Variants in DCC observed in about 807,000 individuals in gnomAD.
The protein encoded by DCC is DCC netrin 1 receptor.
A neutral mutation model predicts 172.5 loss-of-function variants in DCC; 58 were observed. The ratio of observed to expected loss-of-function variants is 0.34; its 90% CI spans 0.27 to 0.42. The LOEUF (loss-of-function observed/expected upper bound fraction) is 0.42, where lower values mean the gene tolerates loss of function less well. Among genes scored for constraint, DCC ranks in the 10% least tolerant of loss-of-function variants. DCC has a pLI of 1.00. For synonymous variants in DCC, 709 were observed against 644.5 expected (o/e 1.10, Z -1.52); for missense variants, 1,740 against 1,791.0 (o/e 0.97, Z 0.51).
intron 1 of DCC, among the ~76,000 whole-genome samples, chr18:52,344,906 C>T (rs1371759603): frequency 6.6e-6 from 1 of 152,114 alleles, no homozygotes; most frequent in Non-Finnish European, 1.5e-5. Flanking sequence ...GATTTCCACC[C>T]CCTCATACCT....
chr18:52,846,921 T>C (rs371702141), intron 2 of DCC, among the ~76,000 whole-genome samples: 6 of 152,034 alleles, frequency 3.9e-5, no homozygotes, highest in Non-Finnish European at 8.8e-5. Context: ...AGTGCAAATA[T>C]AGGGAATATT....
chr18:52,475,799 A>T (rs1406146981), intron 1 of DCC, among the ~76,000 whole-genome samples: 2 of 152,188 alleles, frequency 1.3e-5, no homozygotes, highest in Non-Finnish European at 2.9e-5. Flanking sequence ...TTCTCAAAAC[A>T]ACATTTTTTG....
intron 1 of DCC, among the ~76,000 whole-genome samples, chr18:52,653,403 T>C (rs897243354): frequency 1.3e-5 from 2 of 152,210 alleles, no homozygotes; most frequent in African/African-American, 4.8e-5. Context: ...CTTCTTTCCA[T>C]AGCATAAACT....
intron 1 of DCC, among the ~76,000 whole-genome samples, chr18:52,435,670 GC>G (rs2144483085): frequency 6.6e-6 from 1 of 152,260 alleles, no homozygotes; most frequent in African/African-American, 2.4e-5. Context: ...TAGGCTGCCA[GC>G]CGCCCTTGAG....
chr18:52,794,527 G>C (rs1239431262), intron 2 of DCC, among the ~76,000 whole-genome samples: 1 of 151,958 alleles, frequency 6.6e-6, no homozygotes, highest in East Asian at 1.9e-4. Flanking sequence ...TATCAGTTCT[G>C]AGTTTTTTGG....
intron 1 of DCC, among the ~76,000 whole-genome samples, chr18:52,740,835 A>T (rs1261763941): frequency 1.3e-5 from 2 of 152,190 alleles, no homozygotes; most frequent in Admixed American, 1.3e-4. Context: ...AACTGATCAG[A>T]GGGTGATTAT....
At chr18:53,109,248 T>C (rs762786002) in intron 7 of DCC, among the ~76,000 whole-genome samples, 34 of 151,400 alleles carry the variant, frequency 2.2e-4, no homozygotes, top group Admixed American at 9.9e-4. Context: ...AGGTTTTCCA[T>C]GTGTATTGAA....
chr18:52,466,856 T>C (rs985172554), intron 1 of DCC, among the ~76,000 whole-genome samples: 6 of 152,136 alleles, frequency 3.9e-5, no homozygotes, highest in Non-Finnish European at 5.9e-5. Context: ...TATACACTTG[T>C]TACAACTGCT....
At chr18:52,342,818 A>G (rs1042987917) in intron 1 of DCC, among the ~76,000 whole-genome samples, 1 of 152,232 alleles carries the variant, frequency 6.6e-6, no homozygotes, top group Non-Finnish European at 1.5e-5. Flanking sequence ...GGGTGGGGGT[A>G]GATTAATAGA....
At chr18:53,384,185 C>A (rs183875582) in intron 15 of DCC, among the ~76,000 whole-genome samples, 1 of 152,246 alleles carries the variant, frequency 6.6e-6, no homozygotes, top group East Asian at 1.9e-4. Context: ...TGAGTACTTG[C>A]AAGTGGATAA....
intron 2 of DCC, among the ~76,000 whole-genome samples, chr18:52,759,413 A>T (rs773357694): frequency 2.0e-5 from 3 of 152,184 alleles, no homozygotes; most frequent in Non-Finnish European, 4.4e-5. Context: ...CCTAAAAAAA[A>T]TTTTCAACCT....
At chr18:52,536,282 A>G (rs1250360802) in intron 1 of DCC, among the ~76,000 whole-genome samples, 1 of 152,158 alleles carries the variant, frequency 6.6e-6, no homozygotes, top group Non-Finnish European at 1.5e-5. Flanking sequence ...CACTTCAAGA[A>G]CCACTTGGTC....
At chr18:52,997,375 A>AG (rs2041498508) in intron 5 of DCC, among the ~76,000 whole-genome samples, 1 of 152,168 alleles carries the variant, frequency 6.6e-6, no homozygotes, top group Non-Finnish European at 1.5e-5. Flanking sequence ...TGTCCAAGGA[A>AG]GACTTATTCA....
intron 5 of DCC, among the ~76,000 whole-genome samples, chr18:53,060,380 T>G (rs1291816150): frequency 6.6e-6 from 1 of 152,144 alleles, no homozygotes; most frequent in Non-Finnish European, 1.5e-5. Flanking sequence ...ACTCCCCATT[T>G]AAGTGAGAAA....
At chr18:52,837,824 G>A (rs2038734991) in intron 2 of DCC, among the ~76,000 whole-genome samples, 1 of 152,202 alleles carries the variant, frequency 6.6e-6, no homozygotes, top group Non-Finnish European at 1.5e-5. Flanking sequence ...GCCCGGGACT[G>A]GGTAATTTAC....
intron 5 of DCC, among the ~76,000 whole-genome samples, chr18:53,006,999 G>C (rs1017436369): frequency 1.3e-5 from 2 of 152,162 alleles, no homozygotes; most frequent in African/African-American, 4.8e-5. Context: ...AATCACTATA[G>C]GCTGATTTGA....
intron 7 of DCC, among the ~76,000 whole-genome samples, chr18:53,079,964 A>G (rs896799064): frequency 6.6e-6 from 1 of 152,146 alleles, no homozygotes; most frequent in African/African-American, 2.4e-5. Context: ...TGTCTAGACT[A>G]TGTGGGATAG....
chr18:53,395,530 A>G (rs1599103113), intron 17 of DCC, among the ~76,000 whole-genome samples: 1 of 152,356 alleles, frequency 6.6e-6, no homozygotes, highest in East Asian at 1.9e-4. Flanking sequence ...GAAGTAATAT[A>G]TCTGCATGTC....
chr18:53,318,527 T>C (rs968593535), intron 13 of DCC, among the ~76,000 whole-genome samples: 1 of 152,184 alleles, frequency 6.6e-6, no homozygotes, highest in Non-Finnish European at 1.5e-5. Flanking sequence ...GTTCAAGTCC[T>C]GAATAGCCTT....
Sources: allele counts gnomAD v4.1 joint callset (sites outside exome capture counted in the v4.1 genomes callset), GRCh38; gene constraint gnomAD v4.1.1; transcripts MANE v1.5; gene names NCBI Gene and HGNC (gene_info 2026-07-23, HGNC 2026-07-21).